The following POLR3B variants were observed in gnomAD, a reference collection of about 807,000 sequenced individuals.
POLR3B encodes the protein RNA polymerase III subunit B.
In POLR3B, 96 loss-of-function variants were observed where a neutral mutation model predicts 147.4. That is an observed-to-expected ratio of 0.65 (90% CI 0.55 to 0.77). POLR3B has a LOEUF of 0.77. Among genes scored for constraint, POLR3B ranks in the 30% least tolerant of loss-of-function variants. The pLI, the probability that POLR3B is intolerant of heterozygous loss-of-function variation, is 0.00. For synonymous variants in POLR3B, 461 were observed against 485.9 expected, an observed-to-expected ratio of 0.95 and a Z score of 0.67; for missense variants, 1,036 against 1,413.5, an observed-to-expected ratio of 0.73 and a Z score of 4.28.
intron 9 of POLR3B, among the ~76,000 whole-genome samples, chr12:106,381,621 T>C (rs1458839419): frequency 6.6e-6 from 1 of 152,226 alleles, no homozygotes; most frequent in African/African-American, 2.4e-5. Context: ...GCAGCTACTT[T>C]CTTCATTAAA....
chr12:106,463,337 A>G lies in POLR3B; in HGVS notation c.2571-141A>G, dbSNP rs925682683. ...TGTGAAATTTGAATTTAATGTTAAAAAAATTGAAGTCATTTTTCAGAGCCC... is the reference window on the plus strand; with the variant it reads ...TGTGAAATTTGAATTTAATGTTAAAGAAATTGAAGTCATTTTTCAGAGCCC... On this transcript the variant is annotated intron_variant, in intron 22 of 27. Transcript: ENST00000228347. 4 of 697,544 alleles carry G rather than the reference A, an allele frequency of 5.7e-6. No individual in the cohort carries two copies. The African/African-American group carries it at 7.2e-5, about 13-fold the overall frequency. 43.2% of individuals were successfully genotyped at this position (697,544 alleles called of 1,614,324 possible).
intron 23 of POLR3B, 181 bp from the exon 24 acceptor site, chr12:106,495,874 G>A (rs879505682): frequency 1.6e-5 from 11 of 700,952 alleles, no homozygotes; most frequent in East Asian, 2.6e-5. Flanking sequence ...AAGGAGAGTC[G>A]TTTTTGAACT....
intron 6 of POLR3B, among the ~76,000 whole-genome samples, chr12:106,370,566 T>C (rs2036590556): frequency 6.6e-6 from 1 of 152,090 alleles, no homozygotes; most frequent in Non-Finnish European, 1.5e-5. Context: ...GAAAAATAAG[T>C]AAGATATTAA....
At chr12:106,419,180 A>C (rs1462845794) in intron 12 of POLR3B, among the ~76,000 whole-genome samples, 2 of 152,132 alleles carry the variant, frequency 1.3e-5, no homozygotes, top group Non-Finnish European at 2.9e-5. Flanking sequence ...TTCCATTCCC[A>C]TATTCTTTCT....
chr12:106,494,736 G>A (rs115553520), intron 23 of POLR3B, among the ~76,000 whole-genome samples: 2,425 of 152,240 alleles, frequency 0.016, 67 homozygotes, highest in African/African-American at 0.056. Flanking sequence ...TGAACTGAAT[G>A]ATTGTTTCTG....
intron 23 of POLR3B, among the ~76,000 whole-genome samples, chr12:106,466,587 C>T (rs955200370): frequency 6.6e-5 from 10 of 152,026 alleles, no homozygotes; most frequent in Admixed American, 6.6e-5. Flanking sequence ...GATCCTAGGT[C>T]TTATGTTTAG....
At chr12:106,369,446 G>A in intron 5 of POLR3B, 96 bp downstream of exon 5, 5 of 950,772 alleles carry the variant, frequency 5.3e-6, no homozygotes, top group South Asian at 3.9e-5. Context: ...AATGGGATGG[G>A]GGGGGACATT....
intron 11 of POLR3B, among the ~76,000 whole-genome samples, chr12:106,409,073 G>A (rs2037186807): frequency 6.6e-6 from 1 of 152,146 alleles, no homozygotes; most frequent in African/African-American, 2.4e-5. Context: ...AGGAAAATGT[G>A]AAATGGGCTT....
intron 16 of POLR3B, 35 bp from the exon 17 acceptor site, chr12:106,437,022 A>T: frequency 6.5e-7 from 1 of 1,533,954 alleles, no homozygotes; most frequent in South Asian, 1.1e-5. Context: ...TTTCCCTGGA[A>T]CTATTATTAA....
intron 18 of POLR3B, among the ~76,000 whole-genome samples, chr12:106,440,468 C>T (rs1260813826): frequency 1.3e-5 from 2 of 152,206 alleles, no homozygotes; most frequent in Non-Finnish European, 2.9e-5. Flanking sequence ...CCTGCACAAT[C>T]TGCCCACTTC....
chr12:106,423,553 C>G (rs2037398590), intron 12 of POLR3B, among the ~76,000 whole-genome samples: 1 of 152,106 alleles, frequency 6.6e-6, no homozygotes, highest in African/African-American at 2.4e-5. Context: ...AGGCTGAATG[C>G]CTGAGAACCT....
At chr12:106,454,300 T>C (rs1366167446) in intron 19 of POLR3B, among the ~76,000 whole-genome samples, 14 of 152,342 alleles carry the variant, frequency 9.2e-5, no homozygotes, top group Non-Finnish European at 1.5e-5. Flanking sequence ...TTTTCCTTCT[T>C]TGTAGAACTT....
chr12:106,393,685 A>G (rs2036944830), intron 10 of POLR3B, among the ~76,000 whole-genome samples: 1 of 151,652 alleles, frequency 6.6e-6, no homozygotes, highest in Non-Finnish European at 1.5e-5. Context: ...TTACTGCTGC[A>G]GAGCCTTCAT....
At chr12:106,437,343 C>G (rs562825034) in intron 17 of POLR3B, among the ~76,000 whole-genome samples, 1 of 152,152 alleles carries the variant, frequency 6.6e-6, no homozygotes, top group African/African-American at 2.4e-5. Flanking sequence ...TCAGTTAGTA[C>G]ACAAGTAAGT....
chr12:106,393,309 C>T (rs981542395), intron 10 of POLR3B, among the ~76,000 whole-genome samples, 156 bp downstream of exon 10: 1 of 152,056 alleles, frequency 6.6e-6, no homozygotes, highest in South Asian at 2.1e-4. Flanking sequence ...AACTCACTTT[C>T]GTCAGGTTTG....
chr12:106,418,356 C>T (rs1464381460), intron 12 of POLR3B, among the ~76,000 whole-genome samples: 1 of 152,110 alleles, frequency 6.6e-6, no homozygotes, highest in African/African-American at 2.4e-5. Flanking sequence ...GGATTTCTAC[C>T]CTATGACAAA....
chr12:106,425,983 A>G (rs1332033496), intron 12 of POLR3B, among the ~76,000 whole-genome samples: 2 of 151,820 alleles, frequency 1.3e-5, no homozygotes, highest in Non-Finnish European at 2.9e-5. Context: ...GTGGTTAGTT[A>G]TTTTTTGTTC....
chr12:106,445,587 C>CT (rs2037711461), intron 19 of POLR3B, among the ~76,000 whole-genome samples: 1 of 152,008 alleles, frequency 6.6e-6, no homozygotes, highest in South Asian at 2.1e-4. Context: ...CCAGTGCCCC[C>CT]TGACCCCGCC....
chr12:106,410,818 AC>A lies in POLR3B; in HGVS notation c.967-7del. 1 of 1,613,596 alleles carries A rather than the reference AC, an allele frequency of 6.2e-7. No homozygotes were observed. Among genetic ancestry groups the A allele is most frequent in the Non-Finnish European group, 8.5e-7 (1 of 1,179,682 alleles). ...TCTCAAAATTTTTCTCCAATTTCTG[AC>A]TTACAGGTTAAGGAATTCAATTTCC... is the stretch of plus-strand genomic sequence containing the variant. On this transcript the variant is annotated splice_region_variant and splice_polypyrimidine_tract_variant and intron_variant, in intron 11 of 27. Transcript: ENST00000228347.
Sources: gnomAD v4.1 joint callset for allele counts (sites outside exome capture counted in the v4.1 genomes callset) on GRCh38, gnomAD v4.1.1 for gene constraint, MANE v1.5 for transcripts, NCBI Gene and HGNC (gene_info 2026-07-23, HGNC 2026-07-21) for gene names.